Variants in SLC28A3 observed in about 807,000 individuals in gnomAD.
SLC28A3 encodes the protein solute carrier family 28 member 3.
In SLC28A3, 68 loss-of-function variants were observed where a neutral mutation model predicts 84.2. The observed-to-expected ratio is 0.81, with a 90% CI of 0.66 to 0.99. The LOEUF is 0.99. SLC28A3 is among the 50% of genes least tolerant of loss of function. The probability of loss-of-function intolerance (pLI) is 0.00; values close to 1 mark genes in which losing one functional copy is unlikely to be tolerated. For synonymous variants in SLC28A3, 267 were observed against 303.6 expected, an observed-to-expected ratio of 0.88 and a Z score of 1.25; for missense variants, 712 against 841.5, an observed-to-expected ratio of 0.85 and a Z score of 1.90.
intron 1 of SLC28A3, among the ~76,000 whole-genome samples, chr9:84,319,834 C>T (rs1431870656): frequency 1.3e-5 from 2 of 152,014 alleles, no homozygotes; most frequent in Admixed American, 1.3e-4. Context: ...AATGTGACCA[C>T]GCCTTCACTC....
At chr9:84,333,480 A>T (rs901166760) in intron 1 of SLC28A3, among the ~76,000 whole-genome samples, 2 of 152,212 alleles carry the variant, frequency 1.3e-5, no homozygotes, top group Non-Finnish European at 2.9e-5. Context: ...TAACCAGAAC[A>T]TCTAAGGAAC....
chr9:84,289,168 A>G (rs1379430084), intron 11 of SLC28A3, among the ~76,000 whole-genome samples: 1 of 152,056 alleles, frequency 6.6e-6, no homozygotes, highest in Non-Finnish European at 1.5e-5. Context: ...TTGAGGCAGC[A>G]TTTCTACAGT....
intron 1 of SLC28A3, among the ~76,000 whole-genome samples, chr9:84,325,595 TG>T (rs763938161): frequency 2.6e-5 from 4 of 152,242 alleles, no homozygotes; most frequent in Non-Finnish European, 5.9e-5. Context: ...GCATAATGCC[TG>T]GCACAATGTC....
At chr9:84,283,176 G>C (rs1328845491) in intron 14 of SLC28A3, among the ~76,000 whole-genome samples, 1 of 152,240 alleles carries the variant, frequency 6.6e-6, no homozygotes, top group East Asian at 1.9e-4. Flanking sequence ...ATGGGTTTTA[G>C]AAGAGAAAAA....
At chr9:84,280,094 G>C in intron 15 of SLC28A3, 21 bp from the exon 16 acceptor site, 4 of 1,607,994 alleles carry the variant, frequency 2.5e-6, no homozygotes, top group Non-Finnish European at 3.4e-6. Context: ...TGGAAGGAGG[G>C]ATGTGAGATC....
At chr9:84,360,731 AAC>A in the SLC28A3 span, among the ~76,000 whole-genome samples, 1 of 151,226 alleles carries the variant, frequency 6.6e-6, no homozygotes, top group African/African-American at 2.4e-5. Context: ...CAGTCTGGGC[AAC>A]ATAGTGAGAC....
At chr9:84,284,118 T>G (rs1293665547) in intron 14 of SLC28A3, among the ~76,000 whole-genome samples, 2 of 152,188 alleles carry the variant, frequency 1.3e-5, no homozygotes, top group African/African-American at 4.8e-5. Context: ...CCCGGTTTGC[T>G]CATTAACAAA....
At chr9:84,306,157 C>T (rs1014978643) in intron 3 of SLC28A3, among the ~76,000 whole-genome samples, 2 of 152,150 alleles carry the variant, frequency 1.3e-5, no homozygotes, top group African/African-American at 4.8e-5. Context: ...GCCTCTCCTT[C>T]TCCCACTTGA....
rs1825453578 is a variant in SLC28A3 at position 84,297,301 on chromosome 9, GAGTT to G, written c.784-7_784-4del. On this transcript the variant is annotated splice_region_variant and splice_polypyrimidine_tract_variant and intron_variant, in intron 7 of 17. Coordinates refer to ENST00000376238, the MANE Select transcript of SLC28A3 (RefSeq NM_001199633.2). ...GCATCTGTGTACTCCAGAAAAGTCT[GAGTT>G]AAAGAAAGAAAAAGAGATTTCATTC... 6.2e-7 allele frequency: 1 copy of G among 1,609,736 alleles called. No homozygotes were observed. The highest frequency in any genetic ancestry group is 8.5e-7 in the Non-Finnish European group (1 of 1,178,610).
upstream of SLC28A3, chr9:84,340,770 C>A: frequency 3.9e-4 from 296 of 760,858 alleles, no homozygotes; most frequent in East Asian, 1.2e-3. Flanking sequence ...GAAACTTCTG[C>A]AATAATCTCC....
intron 4 of SLC28A3, among the ~76,000 whole-genome samples, chr9:84,304,514 G>A (rs1293162034): frequency 6.6e-6 from 1 of 151,926 alleles, no homozygotes; most frequent in East Asian, 1.9e-4. Context: ...AGTGAGCCAA[G>A]GAGCTCTTTG....
rs1280689129 is a variant in SLC28A3, at chr9:84,313,413, G to C, written c.102C>G (p.Asn34Lys). The C allele has an allele frequency of 1.9e-6, 3 of 1,614,026 alleles. No individual in the cohort carries two copies. Among genetic ancestry groups the C allele is most frequent in the Non-Finnish European group, 2.5e-6 (3 of 1,179,972 alleles). Residue 34 changes from asparagine to lysine, a missense_variant, in exon 2 of 18, where the codon AAC becomes AAG. By Grantham distance (94) the Asn-to-Lys change is moderately conservative. Transcript: ENST00000376238. ...NFLENENTSG[N>K]NSIRSRAVQS... Reference sequence around the variant, plus strand: ...GCACAGCTCTGCTTCTTATTGAGTTGTTTCCTGATGTGTTCTCGTTCTCAA... The same window carrying C: ...GCACAGCTCTGCTTCTTATTGAGTTCTTTCCTGATGTGTTCTCGTTCTCAA...
intron 7 of SLC28A3, 70 bp from the exon 8 acceptor site, chr9:84,297,368 G>T (rs749129709): frequency 1.6e-6 from 2 of 1,280,640 alleles, no homozygotes; most frequent in Non-Finnish European, 2.2e-6. Flanking sequence ...GCACAGGAAT[G>T]CTAGGCTCTC....
chr9:84,280,074 C>G lies in SLC28A3; in HGVS notation c.1730-1G>C, dbSNP rs757765287. On this transcript the variant is annotated splice_acceptor_variant, in intron 15 of 17. Coordinates refer to ENST00000376238, the MANE Select transcript of SLC28A3 (RefSeq NM_001199633.2). LOFTEE classifies it high-confidence loss of function. ...CGCTTTCTGGAAGGAGCCATGGATG[C>G]TGGGAAACATGGAAGGAGGGATGTG... 1.9e-6 allele frequency: 3 copies of G among 1,613,260 alleles called. No individual in the cohort carries two copies. In the South Asian group the frequency reaches 3.3e-5, roughly 18 times the overall value.
intron 1 of SLC28A3, among the ~76,000 whole-genome samples, chr9:84,331,531 T>C (rs1564177459): frequency 6.6e-6 from 1 of 152,154 alleles, no homozygotes; most frequent in African/African-American, 2.4e-5. Context: ...CCAAACCTGC[T>C]TGACTGGCTT....
chr9:84,286,529 CTCTTA>C (rs753273247), intron 12 of SLC28A3, among the ~76,000 whole-genome samples: 19 of 149,782 alleles, frequency 1.3e-4, no homozygotes, highest in Admixed American at 3.3e-4. Context: ...TTAAGCGATC[CTCTTA>C]TCTTAGCCTC....
At position 84,288,184 on chromosome 9, in the gene SLC28A3, A is replaced by G. The variant is rs1409485897; in HGVS notation, c.1150-6T>C. ...AACAAGTGGGAGGATGGAACCTGCA[A>G]TTTCAGAAGAAAGAAGGCAAACCTG... On this transcript the variant is annotated splice_region_variant and splice_polypyrimidine_tract_variant and intron_variant, in intron 11 of 17. Transcript: ENST00000376238. 1 of 1,613,866 alleles carries G rather than the reference A, an allele frequency of 6.2e-7. No individual in the cohort carries two copies. The highest frequency in any genetic ancestry group is 1.7e-5 in the Admixed American group (1 of 60,016).
chr9:84,288,703 C>A (rs1825094299), intron 11 of SLC28A3, among the ~76,000 whole-genome samples: 1 of 152,114 alleles, frequency 6.6e-6, no homozygotes, highest in South Asian at 2.1e-4. Flanking sequence ...CACCACCACA[C>A]CTAGCTAATT....
At chr9:84,299,102 C>A (rs1275043569) in intron 6 of SLC28A3, among the ~76,000 whole-genome samples, 1 of 152,152 alleles carries the variant, frequency 6.6e-6, no homozygotes, top group African/African-American at 2.4e-5. Flanking sequence ...AATTCTTGCC[C>A]ATTTCACGGG....
Sources: allele counts gnomAD v4.1 joint callset (sites outside exome capture counted in the v4.1 genomes callset), GRCh38; gene constraint gnomAD v4.1.1; transcripts MANE v1.5; gene names NCBI Gene and HGNC (gene_info 2026-07-23, HGNC 2026-07-21).